The following H1-2 variants were observed in gnomAD, a reference collection of about 807,000 sequenced individuals.
The protein encoded by H1-2 is H1.2 linker histone, cluster member.
Under a neutral mutation model 7.2 loss-of-function variants are expected in H1-2, and 7 were observed. That is an observed-to-expected ratio of 0.97 (90% CI 0.55 to 1.82). The LOEUF is 1.82. H1-2 is among the 40% of genes most tolerant of loss of function. The pLI is 0.00. For synonymous variants in H1-2, 300 were observed against 118.2 expected, an observed-to-expected ratio of 2.54 and a Z score of -9.98; for missense variants, 703 against 276.6, an observed-to-expected ratio of 2.54 and a Z score of -10.94.
rs769566015 is a variant in H1-2 at position 26,056,207 on chromosome 6, C to A, written c.222G>T (p.Glu74Asp). 1 of 1,614,124 alleles carries A rather than the reference C, an allele frequency of 6.2e-7. No homozygotes were observed. Among genetic ancestry groups the A allele is most frequent in the Non-Finnish European group, 8.5e-7 (1 of 1,180,050 alleles). Reference protein sequence around the residue: ...KALAAAGYDVEKNNSRIKLGL... With the variant: ...KALAAAGYDVDKNNSRIKLGL... ...CAAGTTTGATACGGCTGTTGTTTTT[C>A]TCCACATCATAGCCGGCGGCAGCCA... The change falls in exon 1 of 1, where the codon GAG (glutamate) becomes GAT (aspartate). Residue 74 changes from glutamate to aspartate, a missense_variant. Physicochemically the swap from Glu to Asp is conservative, Grantham distance 45. Coordinates refer to ENST00000343677, the MANE Select transcript of H1-2 (RefSeq NM_005319.4).
At position 26,056,345 on chromosome 6, in the gene H1-2, A is replaced by AG; in HGVS notation, c.83dup (p.Gly29TrpfsTer6). The AG allele has an allele frequency of 6.2e-7, 1 of 1,613,854 alleles. No homozygotes were observed. The highest frequency in any genetic ancestry group is 8.5e-7 in the Non-Finnish European group (1 of 1,179,892). On this transcript the variant is annotated frameshift_variant, in exon 1 of 1. Transcript: ENST00000343677. LOFTEE classifies it high-confidence loss of function. ...CAGACGCCTTACGAGGCGTACCCCC[A>AG]GCCTTTTTGGCCGCCTTCTTCTTTA...
rs775831742 is a variant in H1-2 at position 26,056,268 on chromosome 6, C to T, written c.161G>A (p.Arg54His). The stretch of plus-strand genomic sequence containing the variant: ...CAGAGCAGCCAGAGAAACTCCGCTA[C>T]GCTCTTTAGAGGCGGCCACAGCCTT... ...ITKAVAASKE[R>H]SGVSLAALKK... The change falls in exon 1 of 1, where the codon CGT (arginine) becomes CAT (histidine). Residue 54 changes from arginine (R) to histidine (H), a missense_variant. Arg to His is a conservative substitution (Grantham distance 29, BLOSUM62 0). Coordinates refer to ENST00000343677, the MANE Select transcript of H1-2 (RefSeq NM_005319.4). 66 of 1,614,122 alleles carry T rather than the reference C, an allele frequency of 4.1e-5. No individual in the cohort carries two copies. The highest frequency in any genetic ancestry group is 5.3e-5 in the Non-Finnish European group (63 of 1,180,054).
rs774373968 is a variant in H1-2, at chr6:26,056,098, CCTT to C, written c.328_330del (p.Lys110del). Reference sequence around the variant, plus strand: ...TTGGGCTTGGCTTCCCCGGAGGCTGCCTTCTTGTTGAGTTTAAAGGAGCCAGAA... The same window carrying C: ...TTGGGCTTGGCTTCCCCGGAGGCTGCCTTGTTGAGTTTAAAGGAGCCAGAA... On this transcript the variant is annotated inframe_deletion, in exon 1 of 1. Transcript: ENST00000343677. 44 of 1,614,076 alleles carry C rather than the reference CCTT, an allele frequency of 2.7e-5. No homozygotes were observed. Among genetic ancestry groups the C allele is most frequent in the African/African-American group, 4.0e-5 (3 of 74,940 alleles).
Position 26,056,456 on chromosome 6 carries a change from T to A in H1-2, c.-28A>T, listed in dbSNP as rs543635931. On this transcript the variant is annotated 5_prime_UTR_variant, in exon 1 of 1. Coordinates refer to ENST00000343677, the MANE Select transcript of H1-2 (RefSeq NM_005319.4). Reference sequence around the variant, plus strand: ...TGAGAATCAAAAACTCGGGTACAAGTGGCAAAGCGCCGATGAAGCAGCGCC... The same window carrying A: ...TGAGAATCAAAAACTCGGGTACAAGAGGCAAAGCGCCGATGAAGCAGCGCC... The A allele has an allele frequency of 7.1e-6, 11 of 1,543,590 alleles. No individual in the cohort carries two copies. The highest frequency in any genetic ancestry group is 8.7e-6 in the Non-Finnish European group (10 of 1,150,390).
rs761753866 is a variant in H1-2 at position 26,055,900 on chromosome 6, C to G, written c.529G>C (p.Ala177Pro). Residue 177 changes from alanine to proline, a missense_variant, in exon 1 of 1, where the codon GCC becomes CCC. Coordinates refer to ENST00000343677, the MANE Select transcript of H1-2 (RefSeq NM_005319.4). ...TKKVAKSPKK[A>P]KVAKPKKAAK... ...GCTTTCTTGGGCTTCGCAACCTTGG[C>G]CTTCTTTGGGCTCTTAGCCACTTTC... 3 of 1,614,180 alleles carry G rather than the reference C, an allele frequency of 1.9e-6. No homozygotes were observed. Among genetic ancestry groups the G allele is most frequent in the Admixed American group, 3.3e-5 (2 of 60,030 alleles).
rs2113701706 is a variant in H1-2, at chr6:26,056,119, A to T, written c.310T>A (p.Ser104Thr). Residue 104 changes from serine to threonine, a missense_variant, in exon 1 of 1, where the codon TCC becomes ACC. By Grantham distance (58) the Ser-to-Thr change is moderately conservative. Coordinates refer to ENST00000343677, the MANE Select transcript of H1-2 (RefSeq NM_005319.4). ...VQTKGTGASG[S>T]FKLNKKAASG... ...GCTGCCTTCTTGTTGAGTTTAAAGGAGCCAGAAGCACCGGTGCCTTTCGTT... is the reference window on the plus strand; with the variant it reads ...GCTGCCTTCTTGTTGAGTTTAAAGGTGCCAGAAGCACCGGTGCCTTTCGTT... The T allele has an allele frequency of 6.2e-7, 1 of 1,614,152 alleles. No individual in the cohort carries two copies. Among genetic ancestry groups the T allele is most frequent in the East Asian group, 2.2e-5 (1 of 44,868 alleles).
Position 26,055,907 on chromosome 6 carries a change from T to C in H1-2, c.522A>G (p.Pro174=), listed in dbSNP as rs778893844. The change falls in exon 1 of 1, where the codon CCA becomes CCG. Residue 174 remains proline (P), a synonymous_variant. Transcript: ENST00000343677. ...TGGGCTTCGCAACCTTGGCCTTCTT[T>C]GGGCTCTTAGCCACTTTCTTGGTTA... The part of the protein sequence containing the change: ...ATVTKKVAKS[P]KKAKVAKPKK... 4.3e-6 allele frequency: 7 copies of C among 1,614,228 alleles called. No individual in the cohort carries two copies. The highest frequency in any genetic ancestry group is 1.3e-5 in the African/African-American group (1 of 75,070).
Position 26,055,972 on chromosome 6 carries a change from T to A in H1-2, c.457A>T (p.Lys153Ter), listed in dbSNP as rs1334949972. The A allele has an allele frequency of 6.2e-7, 1 of 1,614,044 alleles. No individual in the cohort carries two copies. Among genetic ancestry groups the A allele is most frequent in the Non-Finnish European group, 8.5e-7 (1 of 1,180,018 alleles). ...GGCTTCTTCGCTTTCTTCGGTGTTT[T>A]CTTAGCGCTCTTCTTCGGAGTTGCG... ...GGATPKKSAK[K>*]TPKKAKKPAA... The change falls in exon 1 of 1, where the codon AAA becomes TAA. Residue 153 changes from lysine (K) to a stop codon, truncating the protein, a stop_gained. Coordinates refer to ENST00000343677, the MANE Select transcript of H1-2 (RefSeq NM_005319.4). LOFTEE classifies it high-confidence loss of function.
In H1-2 at chr6:26,056,082, G is replaced by A. The variant is rs118032130; in HGVS notation, c.347C>T (p.Ala116Val). The change falls in exon 1 of 1, where the codon GCC becomes GTC. Residue 116 changes from alanine to valine, a missense_variant. Coordinates refer to ENST00000343677, the MANE Select transcript of H1-2 (RefSeq NM_005319.4). The stretch of plus-strand genomic sequence containing the variant: ...GCCCGCCTTTTTAACCTTGGGCTTG[G>A]CTTCCCCGGAGGCTGCCTTCTTGTT... ...KLNKKAASGE[A>V]KPKVKKAGGT... The A allele has an allele frequency of 3.1e-6, 5 of 1,614,076 alleles. No homozygotes were observed. The African/African-American group carries it at 4.0e-5, about 13-fold the overall frequency.
Position 26,055,872 on chromosome 6 carries a change from G to A in H1-2, c.557C>T (p.Ala186Val), listed in dbSNP as rs1235205455. 3.1e-6 allele frequency: 5 copies of A among 1,614,108 alleles called. No individual in the cohort carries two copies. The South Asian group carries it at 3.3e-5, about 11-fold the overall frequency. Residue 186 changes from alanine to valine, a missense_variant, in exon 1 of 1, where the codon GCC (alanine) becomes GTC (valine). Coordinates refer to ENST00000343677, the MANE Select transcript of H1-2 (RefSeq NM_005319.4). ...KAKVAKPKKA[A>V]KSAAKAVKPK... ...CTTCACAGCCTTAGCAGCACTTTTGGCAGCTTTCTTGGGCTTCGCAACCTT... is the reference window on the plus strand; with the variant it reads ...CTTCACAGCCTTAGCAGCACTTTTGACAGCTTTCTTGGGCTTCGCAACCTT...
chr6:26,055,890 G>C lies in H1-2; in HGVS notation c.539C>G (p.Ala180Gly), dbSNP rs201784591. The C allele has an allele frequency of 3.1e-6, 5 of 1,614,122 alleles. No homozygotes were observed. Among genetic ancestry groups the C allele is most frequent in the Non-Finnish European group, 4.2e-6 (5 of 1,180,024 alleles). The change falls in exon 1 of 1, where the codon GCG becomes GGG. Residue 180 changes from alanine to glycine, a missense_variant. Coordinates refer to ENST00000343677, the MANE Select transcript of H1-2 (RefSeq NM_005319.4). ...VAKSPKKAKV[A>G]KPKKAAKSAA... ...ACTTTTGGCAGCTTTCTTGGGCTTC[G>C]CAACCTTGGCCTTCTTTGGGCTCTT...
rs751702619 is a variant in H1-2, at chr6:26,055,953, T to G, written c.476A>C (p.Lys159Thr). ...KSAKKTPKKA[K>T]KPAAATVTKK... ...GGTTACAGTGGCCGCGGCCGGCTTC[T>G]TCGCTTTCTTCGGTGTTTTCTTAGC... is the stretch of plus-strand genomic sequence containing the variant. The change falls in exon 1 of 1, where the codon AAG (lysine) becomes ACG (threonine). Residue 159 changes from lysine to threonine, a missense_variant. By Grantham distance (78) the Lys-to-Thr change is moderately conservative. Transcript: ENST00000343677. 1.2e-6 allele frequency: 2 copies of G among 1,614,022 alleles called. No homozygotes were observed.
chr6:26,056,456 T>G lies in H1-2; in HGVS notation c.-28A>C, dbSNP rs543635931. 5.2e-6 allele frequency: 8 copies of G among 1,543,590 alleles called. No homozygotes were observed. Among genetic ancestry groups the G allele is most frequent in the African/African-American group, 2.8e-5 (2 of 72,144 alleles). The stretch of plus-strand genomic sequence containing the variant: ...TGAGAATCAAAAACTCGGGTACAAG[T>G]GGCAAAGCGCCGATGAAGCAGCGCC... On this transcript the variant is annotated 5_prime_UTR_variant, in exon 1 of 1. Transcript: ENST00000343677.
chr6:26,056,083 C>A lies in H1-2; in HGVS notation c.346G>T (p.Ala116Ser), dbSNP rs758320589. ...CCCGCCTTTTTAACCTTGGGCTTGG[C>A]TTCCCCGGAGGCTGCCTTCTTGTTG... ...KLNKKAASGE[A>S]KPKVKKAGGT... is the part of the protein sequence containing the mutation. Residue 116 changes from alanine to serine, a missense_variant, in exon 1 of 1, where the codon GCC becomes TCC. Physicochemically the swap from Ala to Ser is moderately conservative, Grantham distance 99 (BLOSUM62 1). Transcript: ENST00000343677. 2.4e-5 allele frequency: 39 copies of A among 1,614,214 alleles called. No individual in the cohort carries two copies. The highest frequency in any genetic ancestry group is 3.1e-5 in the Non-Finnish European group (36 of 1,180,036).
In H1-2 at chr6:26,056,448, G is replaced by T. The variant is rs778395124; in HGVS notation, c.-20C>A. The T allele has an allele frequency of 1.3e-6, 2 of 1,548,734 alleles. No homozygotes were observed. The highest frequency in any genetic ancestry group is 2.1e-5 in the Admixed American group (1 of 46,940). On this transcript the variant is annotated 5_prime_UTR_variant, in exon 1 of 1. Transcript: ENST00000343677. ...GGACATGTTGAGAATCAAAAACTCG[G>T]GTACAAGTGGCAAAGCGCCGATGAA...
Position 26,056,346 on chromosome 6 carries a change from G to A in H1-2, c.83C>T (p.Ala28Val), listed in dbSNP as rs369207433. 6 of 1,613,596 alleles carry A rather than the reference G, an allele frequency of 3.7e-6. No homozygotes were observed. Among genetic ancestry groups the A allele is most frequent in the African/African-American group, 2.7e-5 (2 of 74,840 alleles). Reference sequence around the variant, plus strand: ...AGACGCCTTACGAGGCGTACCCCCAGCCTTTTTGGCCGCCTTCTTCTTTAC... The same window carrying A: ...AGACGCCTTACGAGGCGTACCCCCAACCTTTTTGGCCGCCTTCTTCTTTAC... Reference protein sequence around the residue: ...APVKKKAAKKAGGTPRKASGP... With the variant: ...APVKKKAAKKVGGTPRKASGP... Residue 28 changes from alanine to valine, a missense_variant, in exon 1 of 1, where the codon GCT (alanine) becomes GTT (valine). By Grantham distance (64) the Ala-to-Val change is moderately conservative. Coordinates refer to ENST00000343677, the MANE Select transcript of H1-2 (RefSeq NM_005319.4).
Position 26,056,338 on chromosome 6 carries a change from T to C in H1-2, c.91A>G (p.Thr31Ala), listed in dbSNP as rs1444425351. The C allele has an allele frequency of 1.1e-5, 17 of 1,613,908 alleles. No individual in the cohort carries two copies. Among genetic ancestry groups the C allele is most frequent in the Non-Finnish European group, 1.4e-5 (17 of 1,179,896 alleles). The change falls in exon 1 of 1, where the codon ACG becomes GCG. Residue 31 changes from threonine (T) to alanine (A), a missense_variant. Coordinates refer to ENST00000343677, the MANE Select transcript of H1-2 (RefSeq NM_005319.4). ...GGGGGACCAGACGCCTTACGAGGCGTACCCCCAGCCTTTTTGGCCGCCTTC... is the reference window on the plus strand; with the variant it reads ...GGGGGACCAGACGCCTTACGAGGCGCACCCCCAGCCTTTTTGGCCGCCTTC... Reference protein sequence around the residue: ...KKKAAKKAGGTPRKASGPPVS... With the variant: ...KKKAAKKAGGAPRKASGPPVS...
chr6:26,055,858 T>G lies in H1-2; in HGVS notation c.571A>C (p.Lys191Gln). ...TTAGCGGCCTTGGGCTTCACAGCCT[T>G]AGCAGCACTTTTGGCAGCTTTCTTG... ...KPKKAAKSAA[K>Q]AVKPKAAKPK... Residue 191 changes from lysine to glutamine, a missense_variant, in exon 1 of 1, where the codon AAG becomes CAG. Lys to Gln is a moderately conservative substitution (Grantham distance 53). Transcript: ENST00000343677. 1.2e-6 allele frequency: 2 copies of G among 1,614,156 alleles called. No homozygotes were observed. The highest frequency in any genetic ancestry group is 1.7e-6 in the Non-Finnish European group (2 of 1,179,970).
Position 26,056,114 on chromosome 6 carries a change from A to G in H1-2, c.315T>C (p.Phe105=), listed in dbSNP as rs1428656836. 12 of 1,614,156 alleles carry G rather than the reference A, an allele frequency of 7.4e-6. No homozygotes were observed. Among genetic ancestry groups the G allele is most frequent in the Non-Finnish European group, 9.3e-6 (11 of 1,180,028 alleles). Residue 105 remains phenylalanine (F), a synonymous_variant, in exon 1 of 1, where the codon TTT becomes TTC. Coordinates refer to ENST00000343677, the MANE Select transcript of H1-2 (RefSeq NM_005319.4). The part of the protein sequence containing the change: ...QTKGTGASGS[F]KLNKKAASGE... Reference sequence around the variant, plus strand: ...CGGAGGCTGCCTTCTTGTTGAGTTTAAAGGAGCCAGAAGCACCGGTGCCTT... The same window carrying G: ...CGGAGGCTGCCTTCTTGTTGAGTTTGAAGGAGCCAGAAGCACCGGTGCCTT...
Sources: gnomAD v4.1 joint callset for allele counts on GRCh38, gnomAD v4.1.1 for gene constraint, MANE v1.5 for transcripts, NCBI Gene and HGNC (gene_info 2026-07-23, HGNC 2026-07-21) for gene names.